Variants in PTX3 observed in about 807,000 individuals in gnomAD.
The protein encoded by PTX3 is pentraxin 3.
Under a neutral mutation model 23.5 loss-of-function variants are expected in PTX3, and 24 were observed. The ratio of observed to expected loss-of-function variants is 1.02; its 90% CI spans 0.74 to 1.43. The LOEUF (loss-of-function observed/expected upper bound fraction) is 1.43, where lower values mean the gene tolerates loss of function less well. PTX3 is among the 40% of genes most tolerant of loss of function. PTX3 has a pLI of 0.00. For synonymous variants in PTX3, 218 were observed against 205.4 expected, an observed-to-expected ratio of 1.06 and a Z score of -0.53; for missense variants, 510 against 497.5, an observed-to-expected ratio of 1.02 and a Z score of -0.24.
At chr3:157,439,590 G>C (rs192586658) in intron 2 of PTX3, among the ~76,000 whole-genome samples, 2 of 152,124 alleles carry the variant, frequency 1.3e-5, no homozygotes, top group African/African-American at 4.8e-5. Context: ...GCCAACATGC[G>C]GTTCCAGTCC....
intron 1 of PTX3, 110 bp downstream of exon 1, chr3:157,437,173 C>G: frequency 7.1e-7 from 1 of 1,407,042 alleles, no homozygotes; most frequent in Non-Finnish European, 9.9e-7. Flanking sequence ...AAATTTATAG[C>G]TTGTTATGCA....
chr3:157,437,504 G>A lies in PTX3; in HGVS notation c.131-9G>A. On this transcript the variant is annotated splice_polypyrimidine_tract_variant and intron_variant, in intron 1 of 2. Coordinates refer to ENST00000295927, the MANE Select transcript of PTX3 (RefSeq NM_002852.4). The stretch of plus-strand genomic sequence containing the variant: ...CGGGCTGCTAACGTGTGTGTATCCC[G>A]TACTCTAGCCACGCCGTGCGCCTGC... 1 of 1,600,140 alleles carries A rather than the reference G, an allele frequency of 6.2e-7. No individual in the cohort carries two copies. Among genetic ancestry groups the A allele is most frequent in the Non-Finnish European group, 8.5e-7 (1 of 1,175,200 alleles).
Position 157,439,781 on chromosome 3 carries a change from C to T in PTX3, c.532+1867C>T, listed in dbSNP as rs1449005684. ...TGTTTTTTTCTTTGAGACGGAATCT[C>T]GCTCTGTCGCCCAGGCTGGAGTGCA... On this transcript the variant is annotated intron_variant, in intron 2 of 2. Transcript: ENST00000295927. Among the ~76,000 whole-genome samples the T allele has an allele frequency of 3.3e-5, 5 of 152,158 alleles. No individual in the cohort carries two copies. The East Asian group carries it at 9.6e-4, about 29-fold the overall frequency.
In PTX3 at chr3:157,437,667, C is replaced by G. The variant is rs987914694; in HGVS notation, c.285C>G (p.Leu95=). ...LQRLREELGR[L]AESLARPCAP... Reference sequence around the variant, plus strand: ...GGCTGCGGGAGGAGCTGGGCCGGCTCGCGGAAAGCCTGGCGAGGCCGTGCG... The same window carrying G: ...GGCTGCGGGAGGAGCTGGGCCGGCTGGCGGAAAGCCTGGCGAGGCCGTGCG... Residue 95 remains leucine, a synonymous_variant, in exon 2 of 3, where the codon CTC becomes CTG. Coordinates refer to ENST00000295927, the MANE Select transcript of PTX3 (RefSeq NM_002852.4). 4 of 1,539,522 alleles carry G rather than the reference C, an allele frequency of 2.6e-6. No homozygotes were observed. Among genetic ancestry groups the G allele is most frequent in the Non-Finnish European group, 3.5e-6 (4 of 1,146,170 alleles).
intron 2 of PTX3, among the ~76,000 whole-genome samples, chr3:157,438,412 C>T (rs745598987): frequency 6.6e-6 from 1 of 152,104 alleles, no homozygotes; most frequent in Non-Finnish European, 1.5e-5. Context: ...GTTTTCCAGC[C>T]CCTCAGCCGG....
At position 157,442,462 on chromosome 3, in the gene PTX3, G is replaced by A. The variant is rs1266855050; in HGVS notation, c.629G>A (p.Cys210Tyr). The A allele has an allele frequency of 3.1e-6, 5 of 1,614,186 alleles. No homozygotes were observed. Among genetic ancestry groups the A allele is most frequent in the Admixed American group, 1.7e-5 (1 of 60,012 alleles). ...ATGAGGCTTGAGTCTTTTAGTGCCT[G>A]CATTTGGGTCAAAGCCACAGATGTA... ...RPMRLESFSA[C>Y]IWVKATDVLN... Residue 210 changes from cysteine to tyrosine, a missense_variant, in exon 3 of 3, where the codon TGC becomes TAC. Physicochemically the swap from Cys to Tyr is radical, Grantham distance 194. Coordinates refer to ENST00000295927, the MANE Select transcript of PTX3 (RefSeq NM_002852.4).
At chr3:157,442,292 A>G in intron 2 of PTX3, 74 bp from the exon 3 acceptor site, 2 of 1,304,004 alleles carry the variant, frequency 1.5e-6, no homozygotes, top group African/African-American at 3.0e-5. Flanking sequence ...CTTATGTTAA[A>G]TAACTAATGC....
Position 157,436,968 on chromosome 3 carries a change from G to A in PTX3, c.35G>A (p.Trp12Ter), listed in dbSNP as rs753427080. 6.2e-7 allele frequency: 1 copy of A among 1,613,982 alleles called. No individual in the cohort carries two copies. The highest frequency in any genetic ancestry group is 8.5e-7 in the Non-Finnish European group (1 of 1,179,964). ...HLLAILFCAL[W>*]SAVLAENSDD... Reference sequence around the variant, plus strand: ...CTTGCGATTCTGTTTTGTGCTCTCTGGTCTGCAGTGTTGGCCGAGAACTCG... The same window carrying A: ...CTTGCGATTCTGTTTTGTGCTCTCTAGTCTGCAGTGTTGGCCGAGAACTCG... Residue 12 changes from tryptophan to a stop codon, truncating the protein, a stop_gained, in exon 1 of 3, where the codon TGG (tryptophan) becomes TAG (stop). Coordinates refer to ENST00000295927, the MANE Select transcript of PTX3 (RefSeq NM_002852.4). LOFTEE classifies it high-confidence loss of function.
Position 157,443,020 on chromosome 3 carries a change from C to T in PTX3, c.*41C>T, listed in dbSNP as rs979405636. ...ACTTGAAGCCAAAGAAAGAAACTCA[C>T]ACTTAAAACACATGCCAGTTGGGAA... On this transcript the variant is annotated 3_prime_UTR_variant, in exon 3 of 3. Transcript: ENST00000295927. 1 of 1,549,356 alleles carries T rather than the reference C, an allele frequency of 6.5e-7. No homozygotes were observed. Among genetic ancestry groups the T allele is most frequent in the African/African-American group, 1.4e-5 (1 of 72,504 alleles).
chr3:157,442,343 T>G lies in PTX3; in HGVS notation c.533-23T>G, dbSNP rs769071945. 2.0e-6 allele frequency: 3 copies of G among 1,533,618 alleles called. No individual in the cohort carries two copies. The South Asian group carries it at 3.6e-5, about 18-fold the overall frequency. ...TTAATTTATATTTTCTTTAATATTC[T>G]TCTTATTTTCTTGCTACTCTAGGTT... On this transcript the variant is annotated intron_variant, in intron 2 of 2. Coordinates refer to ENST00000295927, the MANE Select transcript of PTX3 (RefSeq NM_002852.4).
rs969441673 is a variant in PTX3 at position 157,436,915 on chromosome 3, A to G, written c.-19A>G. ...TCTCCTCCCGCCAGCTGTGGAAAGA[A>G]CTTTGCGTCTCTCCAGCAATGCATC... On this transcript the variant is annotated 5_prime_UTR_variant, in exon 1 of 3. Transcript: ENST00000295927. 3 of 1,610,740 alleles carry G rather than the reference A, an allele frequency of 1.9e-6. No homozygotes were observed. Among genetic ancestry groups the G allele is most frequent in the African/African-American group, 1.3e-5 (1 of 74,916 alleles).
intron 2 of PTX3, among the ~76,000 whole-genome samples, chr3:157,440,311 A>G (rs920677220): frequency 7.2e-5 from 11 of 152,234 alleles, no homozygotes; most frequent in African/African-American, 2.4e-4. Context: ...CTGAATGCCA[A>G]TATTTTATTT....
intron 2 of PTX3, among the ~76,000 whole-genome samples, chr3:157,441,870 GC>G (rs1160805950): frequency 3.9e-5 from 6 of 151,904 alleles, no homozygotes; most frequent in Non-Finnish European, 5.9e-5. Context: ...GCTGAAAAAT[GC>G]ATGTTGGTAA....
rs926130606 is a variant in PTX3 at position 157,442,704 on chromosome 3, G to T, written c.871G>T (p.Ala291Ser). The T allele has an allele frequency of 3.1e-6, 5 of 1,614,070 alleles. No homozygotes were observed. Among genetic ancestry groups the T allele is most frequent in the Non-Finnish European group, 4.2e-6 (5 of 1,180,050 alleles). ...CTTGTGGGTAAATGGTGAACTGGCG[G>T]CTACCACTGTTGAGATGGCCACAGG... ...TSLWVNGELA[A>S]TTVEMATGHI... The change falls in exon 3 of 3, where the codon GCT becomes TCT. Residue 291 changes from alanine to serine, a missense_variant. By Grantham distance (99) the Ala-to-Ser change is moderately conservative (BLOSUM62 1). Transcript: ENST00000295927.
chr3:157,438,220 C>G (rs1158234246), intron 2 of PTX3, among the ~76,000 whole-genome samples: 1 of 152,072 alleles, frequency 6.6e-6, no homozygotes, highest in East Asian at 1.9e-4. Flanking sequence ...GTCTAGGGCC[C>G]CTTACACCCG....
chr3:157,437,920 G>A lies in PTX3; in HGVS notation c.532+6G>A, dbSNP rs1055151328. On this transcript the variant is annotated splice_donor_region_variant and intron_variant, in intron 2 of 2. Coordinates refer to ENST00000295927, the MANE Select transcript of PTX3 (RefSeq NM_002852.4). The stretch of plus-strand genomic sequence containing the variant: ...CCGGAGCTGGCTGCCGGCAGGTAAG[G>A]AGGCAAGCGGGGCCGGGACCTCCCA... 5.2e-6 allele frequency: 8 copies of A among 1,528,550 alleles called. No individual in the cohort carries two copies. The African/African-American group carries it at 8.4e-5, about 16-fold the overall frequency. The allele number at this position is 1,528,550 out of a possible 1,614,324, so 94.7% of individuals were successfully genotyped here.
In PTX3 at chr3:157,443,525, A is replaced by T. The variant is rs558957255; in HGVS notation, c.*546A>T. ...TCATATAAGTTATATTGCAAAAGGG[A>T]TTTGTATTAATTTAAGACTATTTTT... On this transcript the variant is annotated 3_prime_UTR_variant, in exon 3 of 3. Transcript: ENST00000295927. The T allele has an allele frequency of 2.6e-5, 4 of 152,832 alleles. No individual in the cohort carries two copies. In the South Asian group the frequency reaches 8.3e-4, roughly 32 times the overall value. The allele number at this position is 152,832 out of a possible 1,614,324, so 9.5% of individuals were successfully genotyped here.
At position 157,442,910 on chromosome 3, in the gene PTX3, C is replaced by T. The variant is rs1577671981; in HGVS notation, c.1077C>T (p.Ile359=). ...CCGGAGGAGCAGAGTCTTGTCACAT[C>T]CGGGGGAATATTGTTGGGTGGGGAG... ...RETGGAESCH[I]RGNIVGWGVT... is the part of the protein sequence containing the mutation. Residue 359 remains isoleucine (I), a synonymous_variant, in exon 3 of 3, where the codon ATC becomes ATT. Transcript: ENST00000295927. The T allele has an allele frequency of 1.2e-6, 2 of 1,614,048 alleles. No individual in the cohort carries two copies. The highest frequency in any genetic ancestry group is 4.5e-5 in the East Asian group (2 of 44,886).
In PTX3 at chr3:157,438,035, G is replaced by GCACA. The variant is rs1294089889; in HGVS notation, c.532+122_532+123insACAC. ...TTTCATGGGAAGCGCGCGCGCGCGC[G>GCACA]CGCACACACACACACACACACACAC... On this transcript the variant is annotated intron_variant, in intron 2 of 2. Transcript: ENST00000295927. The GCACA allele has an allele frequency of 4.6e-4, 320 of 700,972 alleles. No homozygotes were observed. The East Asian group carries it at 4.8e-3, about 11-fold the overall frequency. 43.4% of individuals were successfully genotyped at this position (700,972 alleles called of 1,614,324 possible). A position where few individuals can be genotyped will look rare whatever the true frequency, so the allele number is the denominator to read the frequency against.
Sources: allele counts gnomAD v4.1 joint callset (sites outside exome capture counted in the v4.1 genomes callset), GRCh38; gene constraint gnomAD v4.1.1; transcripts MANE v1.5; gene names NCBI Gene and HGNC (gene_info 2026-07-23, HGNC 2026-07-21).